The following GALNT1 variants were observed in gnomAD, a reference collection of about 807,000 sequenced individuals.
GALNT1 encodes the protein polypeptide N-acetylgalactosaminyltransferase 1.
GALNT1 carries 17 observed loss-of-function variants against 65.7 expected under a neutral mutation model. The observed-to-expected ratio is 0.26, with a 90% CI of 0.18 to 0.39. GALNT1 has a LOEUF of 0.39. Among genes scored for constraint, GALNT1 ranks in the 10% least tolerant of loss-of-function variants. The pLI, the probability that GALNT1 is intolerant of heterozygous loss-of-function variation, is 1.00. For synonymous variants in GALNT1, 210 were observed against 219.7 expected (o/e 0.96, Z 0.39); for missense variants, 460 against 672.8 (o/e 0.68, Z 3.50).
intron 1 of GALNT1, among the ~76,000 whole-genome samples, chr18:35,590,484 T>G (rs1019903651): frequency 4.6e-5 from 7 of 152,190 alleles, no homozygotes; most frequent in Admixed American, 2.6e-4. Flanking sequence ...TGAAGACAGT[T>G]CTTTAGGTTT....
intron 1 of GALNT1, among the ~76,000 whole-genome samples, chr18:35,613,231 G>A (rs1440448477): frequency 1.3e-5 from 2 of 152,172 alleles, no homozygotes; most frequent in East Asian, 3.9e-4. Flanking sequence ...GAATATATTT[G>A]TTAATTCAAT....
At chr18:35,589,218 A>G (rs2046414936) in intron 1 of GALNT1, among the ~76,000 whole-genome samples, 1 of 152,000 alleles carries the variant, frequency 6.6e-6, no homozygotes, top group Non-Finnish European at 1.5e-5. Context: ...TCCGGGGGAG[A>G]GGGTGTATGT....
chr18:35,689,332 A>G, intron 7 of GALNT1, 42 bp downstream of exon 7: 1 of 1,090,786 alleles, frequency 9.2e-7, no homozygotes, highest in Non-Finnish European at 1.4e-6. Flanking sequence ...TTTAACTTCA[A>G]GTATAGATGT....
At chr18:35,603,437 T>C (rs1014537641) in intron 1 of GALNT1, among the ~76,000 whole-genome samples, 2 of 152,170 alleles carry the variant, frequency 1.3e-5, no homozygotes, top group African/African-American at 4.8e-5. Context: ...TTCTTGGGAC[T>C]GAATATTTGT....
upstream of GALNT1, chr18:35,581,686 C>T (rs1473779832): frequency 0.013 from 1 of 80 alleles, no homozygotes; most frequent in Non-Finnish European, 0.026. Flanking sequence ...CGGGGGCGGG[C>T]GCGGCGGAGC....
chr18:35,692,308 C>A lies in GALNT1; in HGVS notation c.1287C>A (p.Phe429Leu). The change falls in exon 9 of 12, where the codon TTC becomes TTA. Residue 429 changes from phenylalanine to leucine, a missense_variant. Physicochemically the swap from Phe to Leu is conservative, Grantham distance 22. Transcript: ENST00000269195. ...YPDSQIPRHYFSLGEIRNVET... is the reference protein window; with the variant it reads ...YPDSQIPRHYLSLGEIRNVET... ...ATTCTCAAATTCCACGTCACTATTT[C>A]TCATTGGGAGAGGTAAGAAATATAT... 1 of 1,574,024 alleles carries A rather than the reference C, an allele frequency of 6.4e-7. No individual in the cohort carries two copies. Among genetic ancestry groups the A allele is most frequent in the Non-Finnish European group, 8.7e-7 (1 of 1,148,540 alleles).
intron 1 of GALNT1, among the ~76,000 whole-genome samples, chr18:35,600,106 AG>A (rs1186201661): frequency 6.6e-6 from 1 of 152,184 alleles, no homozygotes; most frequent in African/African-American, 2.4e-5. Context: ...AGATCACATT[AG>A]GTAGGATGGA....
At chr18:35,631,766 T>C (rs940772003) in intron 1 of GALNT1, among the ~76,000 whole-genome samples, 3 of 152,302 alleles carry the variant, frequency 2.0e-5, no homozygotes, top group East Asian at 1.9e-4. Flanking sequence ...GAAGTCAAAT[T>C]GTCCCTGTTT....
chr18:35,695,966 G>A (rs1031223341), intron 9 of GALNT1, among the ~76,000 whole-genome samples: 2 of 152,166 alleles, frequency 1.3e-5, no homozygotes, highest in Non-Finnish European at 2.9e-5. Context: ...CTGGGCCAGA[G>A]TTCGGGCGTG....
At chr18:35,705,825 A>G (rs563182509) in intron 11 of GALNT1, among the ~76,000 whole-genome samples, 5 of 152,346 alleles carry the variant, frequency 3.3e-5, no homozygotes, top group African/African-American at 1.2e-4. Flanking sequence ...TGTCAGGGAT[A>G]ACGTTGTTGT....
At chr18:35,624,634 A>AT (rs2046893909) in intron 1 of GALNT1, among the ~76,000 whole-genome samples, 1 of 151,792 alleles carries the variant, frequency 6.6e-6, no homozygotes, top group Non-Finnish European at 1.5e-5. Flanking sequence ...TTCCTTTCTC[A>AT]TTTTATTTTA....
At position 35,677,585 on chromosome 18, in the gene GALNT1, C is replaced by G; in HGVS notation, c.315-6C>G. On this transcript the variant is annotated splice_region_variant and splice_polypyrimidine_tract_variant and intron_variant, in intron 3 of 11. Transcript: ENST00000269195. ...CTTTTTATAAAGGCATTTGCTTTGT[C>G]TCTAGGTGTAAAACAAAGGTGTATC... 1 of 1,604,558 alleles carries G rather than the reference C, an allele frequency of 6.2e-7. No homozygotes were observed. Among genetic ancestry groups the G allele is most frequent in the East Asian group, 2.2e-5 (1 of 44,596 alleles).
chr18:35,588,713 T>C (rs543208141), intron 1 of GALNT1, among the ~76,000 whole-genome samples: 2 of 152,346 alleles, frequency 1.3e-5, no homozygotes, highest in African/African-American at 4.8e-5. Flanking sequence ...CTGAGTCTTT[T>C]TATTTTGGTA....
chr18:35,681,161 G>A (rs1193178869), intron 4 of GALNT1, among the ~76,000 whole-genome samples: 1 of 152,024 alleles, frequency 6.6e-6, no homozygotes, highest in Non-Finnish European at 1.5e-5. Context: ...CACACTCTCT[G>A]ACAACCTCAC....
At chr18:35,648,819 T>A (rs758129000) in intron 1 of GALNT1, among the ~76,000 whole-genome samples, 3 of 152,218 alleles carry the variant, frequency 2.0e-5, no homozygotes, top group Non-Finnish European at 4.4e-5. Flanking sequence ...GACACAGTTG[T>A]ATGACCCCCA....
chr18:35,599,786 C>G (rs1463920962), intron 1 of GALNT1, among the ~76,000 whole-genome samples: 1 of 152,154 alleles, frequency 6.6e-6, no homozygotes, highest in Non-Finnish European at 1.5e-5. Context: ...AGAGACTGTC[C>G]TTTCCCCAGT....
At chr18:35,626,954 A>G (rs767684815) in intron 1 of GALNT1, among the ~76,000 whole-genome samples, 3 of 152,206 alleles carry the variant, frequency 2.0e-5, no homozygotes, top group South Asian at 2.1e-4. Context: ...GGTCACTTCT[A>G]TTAGCTAGAG....
At chr18:35,657,383 C>T (rs555546639) in intron 2 of GALNT1, among the ~76,000 whole-genome samples, 6 of 152,154 alleles carry the variant, frequency 3.9e-5, no homozygotes, top group African/African-American at 1.4e-4. Flanking sequence ...TGTGAACAAC[C>T]GCACCCAACC....
Position 35,627,913 on chromosome 18 carries a change from G to A in GALNT1, c.-103-26647G>A, listed in dbSNP as rs191321912. On this transcript the variant is annotated intron_variant, in intron 1 of 11. Transcript: ENST00000269195. Reference sequence around the variant, plus strand: ...ATGGTCTTAGCAAACGGCACACCAGGAGATTATATCCCGTGCCTGGCTCGG... The same window carrying A: ...ATGGTCTTAGCAAACGGCACACCAGAAGATTATATCCCGTGCCTGGCTCGG... 1.1e-4 allele frequency among the ~76,000 whole-genome samples: 17 copies of A among 152,226 alleles called. 2 individuals are homozygous for A. Among genetic ancestry groups the A allele is most frequent in the Admixed American group, 9.2e-4 (14 of 15,280 alleles).
Sources: gnomAD v4.1 joint callset for allele counts (sites outside exome capture counted in the v4.1 genomes callset) on GRCh38, gnomAD v4.1.1 for gene constraint, MANE v1.5 for transcripts, NCBI Gene and HGNC (gene_info 2026-07-23, HGNC 2026-07-21) for gene names.